PTPRG: variants seen among roughly 807,000 people sequenced by gnomAD.
PTPRG encodes protein tyrosine phosphatase receptor type G.
In PTPRG, 102 loss-of-function variants were observed where a neutral mutation model predicts 165.3. The observed-to-expected ratio is 0.62, with a 90% CI of 0.53 to 0.73. PTPRG has a LOEUF of 0.73. Ranked by LOEUF, PTPRG falls within the 30% of genes least tolerant of loss-of-function variation. The pLI, the probability that PTPRG is intolerant of heterozygous loss-of-function variation, is 0.00. For synonymous variants in PTPRG, 675 were observed against 669.5 expected, an observed-to-expected ratio of 1.01 and a Z score of -0.13; for missense variants, 1,866 against 1,861.4, an observed-to-expected ratio of 1.00 and a Z score of -0.05.
chr3:61,992,521 G>A (rs989640807), intron 3 of PTPRG, among the ~76,000 whole-genome samples: 5 of 151,852 alleles, frequency 3.3e-5, no homozygotes, highest in Admixed American at 2.0e-4. Flanking sequence ...CTCCATGCCC[G>A]GCTAATTTTT....
At chr3:61,601,765 T>C (rs1415586199) in intron 1 of PTPRG, among the ~76,000 whole-genome samples, 1 of 152,166 alleles carries the variant, frequency 6.6e-6, no homozygotes, top group African/African-American at 2.4e-5. Context: ...GTGACATGTG[T>C]CAGTAAAAAG....
intron 1 of PTPRG, among the ~76,000 whole-genome samples, chr3:61,621,207 G>T (rs1701450083): frequency 1.3e-5 from 2 of 151,980 alleles, no homozygotes; most frequent in South Asian, 4.2e-4. Flanking sequence ...CATCCCCTTT[G>T]AATTGTCTTA....
chr3:61,756,939 G>A (rs573916557), intron 2 of PTPRG, among the ~76,000 whole-genome samples: 1 of 152,288 alleles, frequency 6.6e-6, no homozygotes, highest in South Asian at 2.1e-4. Context: ...CTGTGAAAAT[G>A]TTAAATACTG....
chr3:61,898,821 G>T (rs2038427609), intron 2 of PTPRG, among the ~76,000 whole-genome samples: 1 of 152,188 alleles, frequency 6.6e-6, no homozygotes, highest in Non-Finnish European at 1.5e-5. Context: ...GTTGATTCTG[G>T]GGTAAGATTA....
intron 1 of PTPRG, among the ~76,000 whole-genome samples, chr3:61,677,508 G>T (rs1467644963): frequency 6.6e-6 from 1 of 152,140 alleles, no homozygotes; most frequent in East Asian, 1.9e-4. Flanking sequence ...CTTGGATCAC[G>T]ATCCCAATAA....
chr3:62,084,206 A>G (rs1025134399), intron 5 of PTPRG, among the ~76,000 whole-genome samples: 4 of 152,186 alleles, frequency 2.6e-5, no homozygotes, highest in Non-Finnish European at 5.9e-5. Flanking sequence ...GTCAATAGGT[A>G]TATTTCTGAA....
chr3:61,749,164 C>T, intron 2 of PTPRG, 182 bp downstream of exon 2: 1 of 692,406 alleles, frequency 1.4e-6, no homozygotes, highest in Non-Finnish European at 2.6e-6. Flanking sequence ...CTTAATTTAT[C>T]TCTACCACCT....
At position 62,255,131 on chromosome 3, in the gene PTPRG, G is replaced by A. The variant is rs548221148; in HGVS notation, c.2475G>A (p.Met825Ile). 2.5e-6 allele frequency: 4 copies of A among 1,611,986 alleles called. No individual in the cohort carries two copies. The African/African-American group carries it at 5.3e-5, about 22-fold the overall frequency. ...TTATTTTATTCCCCCCAGATGACAT[G>A]GAAGCCATTCCTGTCAAACAGTTTG... Reference protein sequence around the residue: ...SIPIIPIPDDMEAIPVKQFVK... With the variant: ...SIPIIPIPDDIEAIPVKQFVK... Residue 825 changes from methionine to isoleucine, a missense_variant, in exon 16 of 30, where the codon ATG becomes ATA. By Grantham distance (10) the Met-to-Ile change is conservative (BLOSUM62 1). Around this residue, in one of 3 missense-constraint regions of PTPRG, gnomAD observed 1,452 missense variants for 1,463.0 expected, o/e 0.99. Transcript: ENST00000474889. The surrounding 1 kb of genome is among the most constrained non-coding windows in gnomAD (Gnocchi z 4.0).
chr3:62,290,121 G>A (rs887056010), intron 28 of PTPRG, among the ~76,000 whole-genome samples: 1 of 152,006 alleles, frequency 6.6e-6, no homozygotes, highest in Non-Finnish European at 1.5e-5. Flanking sequence ...ATTAATAGGG[G>A]TAATAAACTC....
At position 61,579,898 on chromosome 3, in the gene PTPRG, C is replaced by T. The variant is rs921863243; in HGVS notation, c.85+17526C>T. 5.9e-5 allele frequency among the ~76,000 whole-genome samples: 9 copies of T among 152,322 alleles called. No individual in the cohort carries two copies. The East Asian group carries it at 1.3e-3, about 23-fold the overall frequency. ...GACCCTCGAACAACATGGGTTTGAA[C>T]TGTGTGGGTCCACTTATACATGGAT... On this transcript the variant is annotated intron_variant, in intron 1 of 29. Transcript: ENST00000474889.
chr3:62,090,490 G>A (rs1042591116), intron 5 of PTPRG, among the ~76,000 whole-genome samples: 3 of 152,054 alleles, frequency 2.0e-5, no homozygotes, highest in African/African-American at 7.3e-5. Flanking sequence ...CTACTCCCCC[G>A]CTGCCCTTTT....
At chr3:61,616,706 A>G (rs1033057175) in intron 1 of PTPRG, among the ~76,000 whole-genome samples, 3 of 152,180 alleles carry the variant, frequency 2.0e-5, no homozygotes, top group Admixed American at 2.0e-4. Context: ...CCCCATGGCA[A>G]AGTACTTGGC....
At chr3:61,999,469 G>A (rs1029143339) in intron 3 of PTPRG, among the ~76,000 whole-genome samples, 3 of 152,164 alleles carry the variant, frequency 2.0e-5, no homozygotes, top group African/African-American at 7.2e-5. Context: ...TTCAATTTGT[G>A]AGTTTCCAGG....
chr3:61,932,091 A>G (rs2039375859), intron 2 of PTPRG, among the ~76,000 whole-genome samples: 1 of 152,326 alleles, frequency 6.6e-6, no homozygotes, highest in Non-Finnish European at 1.5e-5. Context: ...TTTGCTTTTA[A>G]AAAATGAATT....
chr3:61,991,273 A>T lies in PTPRG; in HGVS notation c.370+1469A>T, dbSNP rs140539770. Among the ~76,000 whole-genome samples the T allele has an allele frequency of 1.9e-3, 285 of 152,226 alleles. 2 individuals carry two copies. Among genetic ancestry groups the T allele is most frequent in the African/African-American group, 6.7e-3 (280 of 41,540 alleles). ...CGGGCTGGAGTGCAGTGGCATGATC[A>T]TGGTTCACTGCAACCTCCACCTCCT... is the stretch of plus-strand genomic sequence containing the variant. On this transcript the variant is annotated intron_variant, in intron 3 of 29. Transcript: ENST00000474889.
chr3:62,015,884 A>T (rs979263483), intron 4 of PTPRG, among the ~76,000 whole-genome samples: 1 of 152,180 alleles, frequency 6.6e-6, no homozygotes, highest in African/African-American at 2.4e-5. Flanking sequence ...TTCTTGGTTT[A>T]AAAAAAGAAC....
intron 2 of PTPRG, among the ~76,000 whole-genome samples, chr3:61,850,441 G>A (rs1039749603): frequency 8.5e-5 from 13 of 152,180 alleles, no homozygotes; most frequent in African/African-American, 2.7e-4. Context: ...GATTACAGGC[G>A]TGAGCCGCTG....
chr3:62,225,579 T>C (rs1294711493), intron 13 of PTPRG, among the ~76,000 whole-genome samples: 1 of 151,944 alleles, frequency 6.6e-6, no homozygotes, highest in Non-Finnish European at 1.5e-5. Flanking sequence ...ATTGCTCTGA[T>C]GAGCAATATC....
chr3:62,070,435 T>G (rs1485570353), intron 4 of PTPRG, among the ~76,000 whole-genome samples: 2 of 152,254 alleles, frequency 1.3e-5, no homozygotes, highest in Non-Finnish European at 2.9e-5. Flanking sequence ...CTGTCCTTGC[T>G]TCAAGCCACT....
Sources: allele counts gnomAD v4.1 joint callset (sites outside exome capture counted in the v4.1 genomes callset), GRCh38; gene constraint gnomAD v4.1.1; regional missense constraint gnomAD v4.1.1; non-coding constraint Gnocchi (gnomAD v3.1); transcripts MANE v1.5; gene names NCBI Gene and HGNC (gene_info 2026-07-23, HGNC 2026-07-21).